The following SIN3B variants were observed in gnomAD, a reference collection of about 807,000 sequenced individuals.
SIN3B encodes the protein paired amphipathic helix protein Sin3b.
Under a neutral mutation model 120.2 loss-of-function variants are expected in SIN3B, and 19 were observed. That is an observed-to-expected ratio of 0.16 (90% CI 0.11 to 0.23). The LOEUF is 0.23. Ranked by LOEUF, SIN3B falls within the 10% of genes least tolerant of loss-of-function variation. The pLI is 1.00. For synonymous variants in SIN3B, 654 were observed against 653.2 expected (o/e 1.00, Z -0.02); for missense variants, 1,073 against 1,573.0 (o/e 0.68, Z 5.38).
chr19:16,838,665 C>T lies in SIN3B; in HGVS notation c.382-3103C>T, dbSNP rs115819539. Among the ~76,000 whole-genome samples, 831 of 152,094 alleles carry T rather than the reference C, an allele frequency of 5.5e-3. 12 individuals are homozygous for T. The highest frequency in any genetic ancestry group is 0.019 in the African/African-American group (799 of 41,504). On this transcript the variant is annotated intron_variant, in intron 3 of 18. Coordinates refer to ENST00000248054, the MANE Select transcript of SIN3B (RefSeq NM_001297595.2). ...TCATGTGTGAGGATGTGTTGGAACA[C>T]GTGTTTTCTTTTTCTTTTTTTTTCG...
Position 16,869,991 on chromosome 19 carries a change from G to C in SIN3B, c.2338G>C (p.Glu780Gln), listed in dbSNP as rs780084925. Reference protein sequence around the residue: ...AQKQLLEYRTEKEREKLLCEG... With the variant: ...AQKQLLEYRTQKEREKLLCEG... The stretch of plus-strand genomic sequence containing the variant: ...GAAGCAGCTTCTGGAGTATCGGACC[G>C]AGAAGGAGCGGGAGAAGCTGCTGTG... The change falls in exon 13 of 19, where the codon GAG (glutamate) becomes CAG (glutamine). Residue 780 changes from glutamate (E) to glutamine (Q), a missense_variant. By Grantham distance (29) the Glu-to-Gln change is conservative (BLOSUM62 2). Around this residue, in one of 7 missense-constraint regions of SIN3B, gnomAD observed 52 missense variants for 68.8 expected, o/e 0.76. Coordinates refer to ENST00000248054, the MANE Select transcript of SIN3B (RefSeq NM_001297595.2). The C allele has an allele frequency of 5.0e-6, 8 of 1,614,004 alleles. No homozygotes were observed. The highest frequency in any genetic ancestry group is 6.8e-6 in the Non-Finnish European group (8 of 1,180,028).
At position 16,853,930 on chromosome 19, in the gene SIN3B, G is replaced by A. The variant is rs561679484; in HGVS notation, c.940-213G>A. Reference sequence around the variant, plus strand: ...GAATTGCTACACAGATTATGTGCACGGGCTGTGAATTGCTGCATGGATCAC... The same window carrying A: ...GAATTGCTACACAGATTATGTGCACAGGCTGTGAATTGCTGCATGGATCAC... On this transcript the variant is annotated intron_variant, in intron 7 of 18. Coordinates refer to ENST00000248054, the MANE Select transcript of SIN3B (RefSeq NM_001297595.2). 4.0e-5 allele frequency among the ~76,000 whole-genome samples: 6 copies of A among 150,586 alleles called. No individual in the cohort carries two copies. In the East Asian group the frequency reaches 5.9e-4, roughly 15 times the overall value.
Position 16,878,651 on chromosome 19 carries a change from G to C in SIN3B, c.3317G>C (p.Cys1106Ser), listed in dbSNP as rs904976166. The C allele has an allele frequency of 6.2e-7, 1 of 1,613,422 alleles. No homozygotes were observed. Among genetic ancestry groups the C allele is most frequent in the African/African-American group, 1.3e-5 (1 of 74,930 alleles). The change falls in exon 19 of 19, where the codon TGT (cysteine) becomes TCT (serine). Residue 1106 changes from cysteine (C) to serine (S), a missense_variant. Coordinates refer to ENST00000248054, the MANE Select transcript of SIN3B (RefSeq NM_001297595.2). ...GACATGGTACCCTGCAAGACGCTGT[G>C]TGAGACAGTGCACGTGCACGGCCTG... is the stretch of plus-strand genomic sequence containing the variant. ...DEDMVPCKTLCETVHVHGLPV... is the reference protein window; with the variant it reads ...DEDMVPCKTLSETVHVHGLPV...
At position 16,876,018 on chromosome 19, in the gene SIN3B, G is replaced by A. The variant is rs1248946056; in HGVS notation, c.2593-37G>A. ...GGGTGAGGTGGGGACTCCCGCAGGA[G>A]GCGGGGTGGCCGCACCACCTGCTTT... On this transcript the variant is annotated intron_variant, in intron 14 of 18. Transcript: ENST00000248054. The surrounding 1 kb of genome is among the most constrained non-coding windows in gnomAD (Gnocchi z 7.1). 6 of 1,527,174 alleles carry A rather than the reference G, an allele frequency of 3.9e-6. No homozygotes were observed. Among genetic ancestry groups the A allele is most frequent in the Non-Finnish European group, 5.3e-6 (6 of 1,134,742 alleles). 94.6% of individuals were successfully genotyped at this position (1,527,174 alleles called of 1,614,324 possible).
Position 16,841,854 on chromosome 19 carries a change from G to A in SIN3B, c.468G>A (p.Glu156=). The change falls in exon 4 of 19, where the codon GAG becomes GAA. Residue 156 remains glutamate (E), a synonymous_variant. Coordinates refer to ENST00000248054, the MANE Select transcript of SIN3B (RefSeq NM_001297595.2). ...YKEDKPQVPL[E]SDSVEFNNAI... Reference sequence around the variant, plus strand: ...AGGACAAACCCCAGGTGCCCCTGGAGTCCGATTCCGTGGAATTCAACAACG... The same window carrying A: ...AGGACAAACCCCAGGTGCCCCTGGAATCCGATTCCGTGGAATTCAACAACG... 1 of 1,614,130 alleles carries A rather than the reference G, an allele frequency of 6.2e-7. No individual in the cohort carries two copies. The highest frequency in any genetic ancestry group is 8.5e-7 in the Non-Finnish European group (1 of 1,180,014).
At chr19:16,870,940 C>T (rs1215855797) in intron 13 of SIN3B, among the ~76,000 whole-genome samples, 1 of 152,232 alleles carries the variant, frequency 6.6e-6, no homozygotes, top group Non-Finnish European at 1.5e-5. Flanking sequence ...ATCCGCCTGC[C>T]TCAGCCTCCC....
chr19:16,869,175 C>T (rs1031912937), intron 12 of SIN3B, among the ~76,000 whole-genome samples: 6 of 152,148 alleles, frequency 3.9e-5, no homozygotes, highest in African/African-American at 1.4e-4. Flanking sequence ...TGAACCCCGC[C>T]CCACATCTCA....
chr19:16,846,776 G>A (rs952379193), intron 4 of SIN3B, among the ~76,000 whole-genome samples, 194 bp from the exon 5 acceptor site: 3 of 152,124 alleles, frequency 2.0e-5, no homozygotes, highest in East Asian at 3.9e-4. Flanking sequence ...ACTCCTGGAC[G>A]GGACCTGCCC....
At chr19:16,831,283 G>A (rs1957440663) in intron 2 of SIN3B, among the ~76,000 whole-genome samples, 1 of 152,022 alleles carries the variant, frequency 6.6e-6, no homozygotes, top group South Asian at 2.1e-4. Context: ...GTCTGGTCTC[G>A]AACTCTTGAC....
chr19:16,837,500 A>G (rs1483200055), intron 3 of SIN3B, among the ~76,000 whole-genome samples: 1 of 151,480 alleles, frequency 6.6e-6, no homozygotes, highest in Non-Finnish European at 1.5e-5. Flanking sequence ...CTCCCGAGTG[A>G]TGGGGACAGA....
At chr19:16,851,747 A>G (rs528588216) in intron 6 of SIN3B, among the ~76,000 whole-genome samples, 1 of 152,284 alleles carries the variant, frequency 6.6e-6, no homozygotes, top group East Asian at 1.9e-4. Flanking sequence ...TTGTTTTGAA[A>G]AGGAGGAGGA....
Position 16,870,901 on chromosome 19 carries a change from A to G in SIN3B, c.2423-328A>G, listed in dbSNP as rs189889288. Among the ~76,000 whole-genome samples the G allele has an allele frequency of 7.4e-4, 112 of 151,316 alleles. No individual in the cohort carries two copies. In the East Asian group the frequency reaches 0.016, roughly 22 times the overall value. On this transcript the variant is annotated intron_variant, in intron 13 of 18. Coordinates refer to ENST00000248054, the MANE Select transcript of SIN3B (RefSeq NM_001297595.2). Reference sequence around the variant, plus strand: ...AGACAGGATTTCACCATGTTGGCCAACCTGGTCTCAAACTCCTGAACTCAG... The same window carrying G: ...AGACAGGATTTCACCATGTTGGCCAGCCTGGTCTCAAACTCCTGAACTCAG...
In SIN3B at chr19:16,831,631, C is replaced by T. The variant is rs61739673; in HGVS notation, c.365C>T (p.Ser122Leu). The T allele has an allele frequency of 1.6e-3, 2,621 of 1,613,928 alleles. 4 individuals are homozygous for T. Among genetic ancestry groups the T allele is most frequent in the Non-Finnish European group, 2.0e-3 (2,364 of 1,179,898 alleles). ...IPKNGKLNIQ[S>L]PLTSQENSHN... ...AAGAATGGCAAGTTAAACATACAGT[C>T]GCCTCTGACAAGCCAGGTATGCCAC... Residue 122 changes from serine (S) to leucine (L), a missense_variant, in exon 3 of 19, where the codon TCG (serine) becomes TTG (leucine). Physicochemically the swap from Ser to Leu is moderately radical, Grantham distance 145. Transcript: ENST00000248054.
chr19:16,852,225 C>T (rs1469567249), intron 6 of SIN3B, among the ~76,000 whole-genome samples: 1 of 152,172 alleles, frequency 6.6e-6, no homozygotes, highest in Admixed American at 6.5e-5. Flanking sequence ...CTCCCGGGTT[C>T]ACGCCATTGT....
intron 17 of SIN3B, 68 bp downstream of exon 17, chr19:16,877,707 G>A: frequency 8.8e-7 from 1 of 1,136,044 alleles, no homozygotes; most frequent in Admixed American, 2.0e-5. Context: ...CCTTTGTCCT[G>A]ACGGGGGCTG....
intron 3 of SIN3B, among the ~76,000 whole-genome samples, chr19:16,838,355 C>G (rs1317908637): frequency 6.6e-6 from 1 of 152,174 alleles, no homozygotes; most frequent in African/African-American, 2.4e-5. Flanking sequence ...TCTCCCCAAG[C>G]CCCTGGCAAC....
chr19:16,871,489 A>T lies in SIN3B; in HGVS notation c.2592+91A>T, dbSNP rs1000346585. The T allele has an allele frequency of 8.1e-6, 10 of 1,239,092 alleles. No individual in the cohort carries two copies. The East Asian group carries it at 2.4e-4, about 30-fold the overall frequency. 76.8% of individuals were successfully genotyped at this position (1,239,092 alleles called of 1,614,324 possible). On this transcript the variant is annotated intron_variant, in intron 14 of 18. Transcript: ENST00000248054. ...CCCGCTCGGGAGGGGGCCCGTGGTC[A>T]GCACAGCAAACCTATCCTGTTTTTT...
chr19:16,876,391 G>T lies in SIN3B; in HGVS notation c.2767-95G>T. 1 of 1,430,284 alleles carries T rather than the reference G, an allele frequency of 7.0e-7. No individual in the cohort carries two copies. The highest frequency in any genetic ancestry group is 9.6e-7 in the Non-Finnish European group (1 of 1,039,140). 88.6% of individuals were successfully genotyped at this position (1,430,284 alleles called of 1,614,324 possible). A position where few individuals can be genotyped will look rare whatever the true frequency, so the allele number is the denominator to read the frequency against. ...GCAGGAAGCATCAGGGCTTTGGGAGGGTGGCAAAGGCGGGAGGCGGGTGGC... is the reference window on the plus strand; with the variant it reads ...GCAGGAAGCATCAGGGCTTTGGGAGTGTGGCAAAGGCGGGAGGCGGGTGGC... On this transcript the variant is annotated intron_variant, in intron 15 of 18. Transcript: ENST00000248054. This position sits in a 1 kb window ranked among gnomAD's most constrained non-coding sequence, Gnocchi z 7.1.
In SIN3B at chr19:16,833,092, C is replaced by T. The variant is rs1183765135; in HGVS notation, c.381+1445C>T. 4.6e-5 allele frequency among the ~76,000 whole-genome samples: 7 copies of T among 152,268 alleles called. No homozygotes were observed. In the East Asian group the frequency reaches 1.2e-3, roughly 25 times the overall value. On this transcript the variant is annotated intron_variant, in intron 3 of 18. Transcript: ENST00000248054. The stretch of plus-strand genomic sequence containing the variant: ...GTCTCCCTGGGGGGCAAAAGTGCCC[C>T]TGTTGAGAACCACCGGTGTAAGTGG...
Sources: allele counts gnomAD v4.1 joint callset (sites outside exome capture counted in the v4.1 genomes callset), GRCh38; gene constraint gnomAD v4.1.1; regional missense constraint gnomAD v4.1.1; non-coding constraint Gnocchi (gnomAD v3.1); transcripts MANE v1.5; gene names NCBI Gene and HGNC (gene_info 2026-07-23, HGNC 2026-07-21).